The following RCSD1 variants were observed in gnomAD, a reference collection of about 807,000 sequenced individuals.
The protein encoded by RCSD1 is RCSD domain containing 1, also known as capZ-interacting protein.
RCSD1 carries 26 observed loss-of-function variants against 42.5 expected under a neutral mutation model. The observed-to-expected ratio is 0.61, with a 90% CI of 0.45 to 0.85. The LOEUF is 0.85. Among genes scored for constraint, RCSD1 ranks in the 40% least tolerant of loss-of-function variants. The pLI is 0.00. For missense variants in RCSD1, 571 were observed against 528.3 expected (o/e 1.08, Z -0.79); for synonymous variants, 220 against 212.2 (o/e 1.04, Z -0.32).
chr1:167,684,932 A>G (rs769142216), intron 2 of RCSD1, among the ~76,000 whole-genome samples: 1 of 152,212 alleles, frequency 6.6e-6, no homozygotes, highest in East Asian at 1.9e-4. Context: ...GTGGAGAGAA[A>G]TCTATCGTGG....
intron 1 of RCSD1, among the ~76,000 whole-genome samples, chr1:167,651,912 C>T (rs780473540): frequency 3.3e-5 from 5 of 152,084 alleles, no homozygotes; most frequent in Non-Finnish European, 7.4e-5. Context: ...TGTTTTTTCT[C>T]ACCCAAACAG....
chr1:167,645,957 C>T (rs1032628687), intron 1 of RCSD1, among the ~76,000 whole-genome samples: 4 of 152,124 alleles, frequency 2.6e-5, no homozygotes, highest in Non-Finnish European at 5.9e-5. Context: ...ATTAATTAAT[C>T]TAGAAGCCGA....
intron 1 of RCSD1, among the ~76,000 whole-genome samples, chr1:167,652,038 T>TTG (rs1400876840): frequency 1.3e-5 from 2 of 149,996 alleles, no homozygotes; most frequent in African/African-American, 4.9e-5. Context: ...TTTTTTTTTT[T>TTG]TGAGATAGAG....
intron 1 of RCSD1, chr1:167,665,107 T>G (rs1658625582): frequency 6.6e-6 from 1 of 150,952 alleles, no homozygotes; most frequent in Non-Finnish European, 1.5e-5. Context: ...CCCTTCACAC[T>G]CTTTACAGTC....
chr1:167,667,112 C>T (rs553793019), intron 1 of RCSD1, among the ~76,000 whole-genome samples: 1 of 151,902 alleles, frequency 6.6e-6, no homozygotes, highest in South Asian at 2.1e-4. Context: ...CCCATTGTAG[C>T]TGAGTAGGCT....
In RCSD1 at chr1:167,697,230, T is replaced by C; in HGVS notation, c.606T>C (p.Asp202=). Residue 202 remains aspartate (D), a synonymous_variant, in exon 6 of 7, where the codon GAT becomes GAC. Transcript: ENST00000367854. ...SSQQNGAKEE[D]GDEVLPSKSK... is the part of the protein sequence containing the mutation. ...AGCAGAACGGTGCTAAGGAAGAGGA[T>C]GGGGATGAAGTGTTGCCATCCAAGA... is the stretch of plus-strand genomic sequence containing the variant. The C allele has an allele frequency of 6.2e-7, 1 of 1,614,124 alleles. No homozygotes were observed. The highest frequency in any genetic ancestry group is 8.5e-7 in the Non-Finnish European group (1 of 1,180,016).
At position 167,684,006 on chromosome 1, in the gene RCSD1, G is replaced by T. The variant is rs774731175; in HGVS notation, c.108+5G>T. ...CAGGCGGCTGCAGCCAAGGAGGTGA[G>T]TCAGGCCGCTTCAGAGCAGCCTCTT... On this transcript the variant is annotated splice_donor_5th_base_variant and intron_variant, in intron 2 of 6. Coordinates refer to ENST00000367854, the MANE Select transcript of RCSD1 (RefSeq NM_052862.4). 5.0e-6 allele frequency: 8 copies of T among 1,611,344 alleles called. No homozygotes were observed. The African/African-American group carries it at 9.3e-5, about 19-fold the overall frequency.
At chr1:167,633,684 G>C (rs1278290877) in intron 1 of RCSD1, 2 of 152,186 alleles carry the variant, frequency 1.3e-5, no homozygotes, top group Non-Finnish European at 2.9e-5. Context: ...AGAGTTGTAT[G>C]GCCCTGGATT....
chr1:167,649,413 A>G (rs575142040), intron 1 of RCSD1, among the ~76,000 whole-genome samples: 18 of 152,350 alleles, frequency 1.2e-4, no homozygotes, highest in Admixed American at 3.9e-4. Context: ...TATTTGTATA[A>G]CAAGCATACT....
At chr1:167,688,311 T>G (rs1241995373) in intron 3 of RCSD1, among the ~76,000 whole-genome samples, 1 of 152,108 alleles carries the variant, frequency 6.6e-6, no homozygotes, top group Non-Finnish European at 1.5e-5. Flanking sequence ...GAAGTGAGCT[T>G]TATCAGCAAA....
At chr1:167,658,571 A>C (rs1658474974) in intron 1 of RCSD1, among the ~76,000 whole-genome samples, 1 of 151,956 alleles carries the variant, frequency 6.6e-6, no homozygotes, top group Admixed American at 6.6e-5. Flanking sequence ...GATTACAGGC[A>C]CGTGCCACCA....
chr1:167,659,809 C>G (rs1207891504), intron 1 of RCSD1, among the ~76,000 whole-genome samples: 6 of 152,136 alleles, frequency 3.9e-5, no homozygotes, highest in African/African-American at 1.4e-4. Context: ...TTGCCCTTCT[C>G]TCTGGTGGGA....
At chr1:167,683,156 C>A (rs1659125952) in intron 1 of RCSD1, among the ~76,000 whole-genome samples, 1 of 152,206 alleles carries the variant, frequency 6.6e-6, no homozygotes, top group Admixed American at 6.5e-5. Flanking sequence ...ACACTGGAGG[C>A]AAGACTCACC....
chr1:167,691,591 C>T (rs951504605), intron 4 of RCSD1, among the ~76,000 whole-genome samples: 1 of 152,220 alleles, frequency 6.6e-6, no homozygotes, highest in Non-Finnish European at 1.5e-5. Flanking sequence ...CTGAGAGCAC[C>T]GGCTCACCAA....
intron 1 of RCSD1, among the ~76,000 whole-genome samples, chr1:167,668,396 G>A (rs1229366): frequency 0.53 from 80,266 of 151,588 alleles, 21,869 homozygotes; most frequent in East Asian, 0.75. Context: ...AATGCCCTTG[G>A]CTACCTCTGG....
At chr1:167,653,708 A>C (rs1658361305) in intron 1 of RCSD1, among the ~76,000 whole-genome samples, 2 of 152,226 alleles carry the variant, frequency 1.3e-5, no homozygotes, top group Admixed American at 1.3e-4. Flanking sequence ...AAGTGCTATG[A>C]GAGAGAATTG....
intron 1 of RCSD1, among the ~76,000 whole-genome samples, chr1:167,672,547 C>T (rs1253837252): frequency 6.6e-6 from 1 of 152,190 alleles, no homozygotes; most frequent in Non-Finnish European, 1.5e-5. Context: ...CTCCTTCCTC[C>T]ATCTTCAAAG....
At position 167,705,482 on chromosome 1, in the gene RCSD1, G is replaced by A. The variant is rs1659736124; in HGVS notation, c.*786G>A. 6.6e-6 allele frequency: 1 copy of A among 152,128 alleles called. No individual in the cohort carries two copies. The highest frequency in any genetic ancestry group is 2.1e-4 in the South Asian group (1 of 4,816). The allele number at this position is 152,128 out of a possible 1,614,324, so 9.4% of individuals were successfully genotyped here. On this transcript the variant is annotated 3_prime_UTR_variant, in exon 7 of 7. Transcript: ENST00000367854. ...CCCATGGAGAGGCAGAATGGCAGGA[G>A]GTTTCATGTCCCGCGTTGCATCTCC...
At chr1:167,634,594 T>G (rs1237715163) in intron 1 of RCSD1, among the ~76,000 whole-genome samples, 1 of 152,222 alleles carries the variant, frequency 6.6e-6, no homozygotes, top group East Asian at 1.9e-4. Context: ...AAGTTAATAC[T>G]GTTAGTCACT....
Sources: allele counts gnomAD v4.1 joint callset (sites outside exome capture counted in the v4.1 genomes callset), GRCh38; gene constraint gnomAD v4.1.1; transcripts MANE v1.5; gene names NCBI Gene and HGNC (gene_info 2026-07-23, HGNC 2026-07-21).